The following LRRC49 variants were observed in gnomAD, a reference collection of about 807,000 sequenced individuals.
LRRC49 encodes the protein leucine rich repeat containing 49.
Under a neutral mutation model 83.3 loss-of-function variants are expected in LRRC49, and 50 were observed. The ratio of observed to expected loss-of-function variants is 0.60; its 90% confidence interval spans 0.48 to 0.76. LRRC49 has a LOEUF of 0.76. Among genes scored for constraint, LRRC49 ranks in the 30% least tolerant of loss-of-function variants. The pLI, the probability that LRRC49 is intolerant of heterozygous loss-of-function variation, is 0.00. For missense variants in LRRC49, 704 were observed against 809.1 expected (o/e 0.87, Z 1.58); for synonymous variants, 286 against 283.3 (o/e 1.01, Z -0.10).
upstream of LRRC49, chr15:70,892,045 G>A: frequency 1.2e-6 from 2 of 1,613,574 alleles, no homozygotes; most frequent in Middle Eastern, 1.7e-4. Flanking sequence ...TCAGGCGCTG[G>A]GAGAAGCGCA....
At chr15:70,890,098 C>T (rs1360553843), upstream of LRRC49, among the ~76,000 whole-genome samples, 2 of 152,090 alleles carry the variant, frequency 1.3e-5, no homozygotes, top group Non-Finnish European at 2.9e-5. Flanking sequence ...TGTTTCCCAA[C>T]GGTTAGTTTT....
rs886465671 is a variant in LRRC49 at position 70,870,997 on chromosome 15, G to A, written c.-298-1911G>A. On this transcript the variant is annotated intron_variant, in intron 1 of 16. Coordinates refer to the LRRC49 transcript ENST00000544974. ...TATTGATCATTCTTGGGTGTTTCTC[G>A]GAGAGGGGGATTTGGCAGGGTCATA... 2.4e-4 allele frequency among the ~76,000 whole-genome samples: 35 copies of A among 146,640 alleles called. 2 individuals are homozygous for A. The highest frequency in any genetic ancestry group is 8.4e-4 in the African/African-American group (33 of 39,124).
At position 70,909,839 on chromosome 15, in the gene LRRC49, A is replaced by AACACACACACACACACACAC. The variant is rs146189261; in HGVS notation, c.501-1673_501-1654dup. Among the ~76,000 whole-genome samples, 889 of 136,112 alleles carry AACACACACACACACACACAC rather than the reference A, an allele frequency of 6.5e-3. 5 individuals carry two copies. Among genetic ancestry groups the AACACACACACACACACACAC allele is most frequent in the Middle Eastern group, 0.011 (3 of 262 alleles). The allele number at this position is 136,112 out of a possible 152,430, so 89.3% of individuals were successfully genotyped here. On this transcript the variant is annotated intron_variant, in intron 5 of 15. Transcript: ENST00000260382. ...GGTGACAGGGCGAGACTCCATCTCA[A>AACACACACACACACACACAC]ACACACACACACACACACACACACA...
chr15:70,948,742 G>C (rs574714276), intron 8 of LRRC49, among the ~76,000 whole-genome samples: 161 of 152,198 alleles, frequency 1.1e-3, no homozygotes, highest in African/African-American at 3.7e-3. Context: ...ACTTTTAGTG[G>C]AGAATGCTGT....
intron 8 of LRRC49, among the ~76,000 whole-genome samples, chr15:70,949,289 A>C (rs999744357): frequency 6.6e-6 from 1 of 152,160 alleles, no homozygotes; most frequent in African/African-American, 2.4e-5. Context: ...CCACATTTAC[A>C]ATGGTGGTTA....
intron 14 of LRRC49, among the ~76,000 whole-genome samples, chr15:71,015,376 G>T (rs2141269666): frequency 6.6e-6 from 1 of 152,284 alleles, no homozygotes; most frequent in Middle Eastern, 3.4e-3. Flanking sequence ...GAATGAAACT[G>T]TTCCACCACA....
intron 1 of LRRC49, among the ~76,000 whole-genome samples, chr15:70,865,689 A>G (rs2032894259): frequency 6.6e-6 from 1 of 152,244 alleles, no homozygotes; most frequent in South Asian, 2.1e-4. Context: ...CAAAAGCCAG[A>G]GAACTCTGCC....
At chr15:71,045,964 A>G (rs1490231421) in intron 15 of LRRC49, among the ~76,000 whole-genome samples, 4 of 152,174 alleles carry the variant, frequency 2.6e-5, no homozygotes, top group Admixed American at 2.6e-4. Flanking sequence ...CTGTTTCTGC[A>G]TTAATTTGCT....
intron 9 of LRRC49, among the ~76,000 whole-genome samples, chr15:70,972,108 G>A (rs1319015799): frequency 6.6e-6 from 1 of 152,116 alleles, no homozygotes; most frequent in Non-Finnish European, 1.5e-5. Flanking sequence ...GTTTGTTTTT[G>A]TAGTGGCTGG....
At chr15:70,945,137 C>G (rs941023712) in intron 8 of LRRC49, among the ~76,000 whole-genome samples, 1 of 152,154 alleles carries the variant, frequency 6.6e-6, no homozygotes, top group East Asian at 1.9e-4. Context: ...ATTCCAGTAG[C>G]CTCAACAGAC....
At chr15:70,884,898 A>T (rs1197183489) in intron 2 of LRRC49, among the ~76,000 whole-genome samples, 1 of 152,158 alleles carries the variant, frequency 6.6e-6, no homozygotes, top group Non-Finnish European at 1.5e-5. Flanking sequence ...AAAACTTTAT[A>T]TTTTGATGTT....
rs1465176214 is a variant in LRRC49 at position 71,050,400 on chromosome 15, T to G, written c.*788T>G. On this transcript the variant is annotated 3_prime_UTR_variant, in exon 16 of 16. Transcript: ENST00000260382. ...CAAATGCTCTTTTAATAGACATGCATGTGTACCTGTGTCTCAGAAGTATTA... is the reference window on the plus strand; with the variant it reads ...CAAATGCTCTTTTAATAGACATGCAGGTGTACCTGTGTCTCAGAAGTATTA... The G allele has an allele frequency of 1.3e-5, 2 of 152,204 alleles. No individual in the cohort carries two copies. The highest frequency in any genetic ancestry group is 6.5e-5 in the Admixed American group (1 of 15,282). 9.4% of individuals were successfully genotyped at this position (152,204 alleles called of 1,614,324 possible).
At chr15:70,895,664 T>C (rs534776235) in intron 2 of LRRC49, 185 bp from the exon 3 acceptor site, 2 of 500,346 alleles carry the variant, frequency 4.0e-6, no homozygotes, top group Admixed American at 7.6e-5. Flanking sequence ...ACAAATATGC[T>C]TTCCATCTCT....
intron 5 of LRRC49, among the ~76,000 whole-genome samples, chr15:70,906,804 CTG>C (rs2034333953): frequency 6.6e-6 from 1 of 152,182 alleles, no homozygotes; most frequent in African/African-American, 2.4e-5. Context: ...CAATCTAATG[CTG>C]TGTCTTTTTC....
chr15:70,878,535 G>C (rs1595975937), intron 2 of LRRC49, among the ~76,000 whole-genome samples: 1 of 152,142 alleles, frequency 6.6e-6, no homozygotes, highest in South Asian at 2.1e-4. Context: ...CATTTTTCCT[G>C]ATCTAGGGAT....
At chr15:70,899,719 T>G (rs565034840) in intron 3 of LRRC49, among the ~76,000 whole-genome samples, 7 of 152,200 alleles carry the variant, frequency 4.6e-5, no homozygotes, top group Non-Finnish European at 8.8e-5. Flanking sequence ...TTTTAAGTTG[T>G]CATTATATTG....
intron 15 of LRRC49, among the ~76,000 whole-genome samples, chr15:71,039,866 A>G (rs1274422973): frequency 6.6e-6 from 1 of 152,226 alleles, no homozygotes; most frequent in Non-Finnish European, 1.5e-5. Flanking sequence ...AATTCTAATG[A>G]TTTTAAAATT....
intron 1 of LRRC49, chr15:70,854,182 G>A (rs1266793472): frequency 2.1e-6 from 2 of 938,308 alleles, no homozygotes; most frequent in African/African-American, 1.8e-5. Flanking sequence ...GGGGCGGTGC[G>A]AGCGCGCCTG....
intron 15 of LRRC49, among the ~76,000 whole-genome samples, chr15:71,046,987 T>C (rs2039872112): frequency 6.6e-6 from 1 of 152,196 alleles, no homozygotes; most frequent in Non-Finnish European, 1.5e-5. Context: ...CTGTTGAAGA[T>C]CAGATGGTTT....
Sources: allele counts gnomAD v4.1 joint callset (sites outside exome capture counted in the v4.1 genomes callset), GRCh38; gene constraint gnomAD v4.1.1; transcripts MANE v1.5; gene names NCBI Gene and HGNC (gene_info 2026-07-23, HGNC 2026-07-21).